Variants in ACSL3 observed in about 807,000 individuals in gnomAD.
ACSL3 encodes fatty acid CoA ligase Acsl3.
Under a neutral mutation model 84.7 loss-of-function variants are expected in ACSL3, and 34 were observed. The observed-to-expected ratio is 0.40, with a 90% CI of 0.31 to 0.53. ACSL3 has a LOEUF of 0.53. Ranked by LOEUF, ACSL3 falls within the 20% of genes least tolerant of loss-of-function variation. The probability of loss-of-function intolerance (pLI) is 0.48; values close to 1 mark genes in which losing one functional copy is unlikely to be tolerated. For missense variants in ACSL3, 680 were observed against 873.1 expected, an observed-to-expected ratio of 0.78 and a Z score of 2.79; for synonymous variants, 315 against 299.4, an observed-to-expected ratio of 1.05 and a Z score of -0.54.
chr2:222,889,186 T>C (rs795877), intron 2 of ACSL3, among the ~76,000 whole-genome samples: 138,221 of 152,192 alleles, frequency 0.91, 62,893 homozygotes, highest in East Asian at 0.97. Context: ...GCTAGGTTTG[T>C]GTAGGTGAAG....
chr2:222,924,373 C>T (rs1696820354), intron 10 of ACSL3, 83 bp from the exon 11 acceptor site: 1 of 1,243,454 alleles, frequency 8.0e-7, no homozygotes, highest in Admixed American at 3.3e-5. Context: ...CTTAATATTG[C>T]TAGAAATGTT....
Position 222,944,594 on chromosome 2 carries a change from G to A in ACSL3, c.*2940G>A, listed in dbSNP as rs1259833632. ...CTATTTATTTGTAATTTGACATAAAGTTTGAAGAATAAAGATCTATAAAAG... is the reference window on the plus strand; with the variant it reads ...CTATTTATTTGTAATTTGACATAAAATTTGAAGAATAAAGATCTATAAAAG... On this transcript the variant is annotated 3_prime_UTR_variant, in exon 17 of 17. Coordinates refer to ENST00000357430, the MANE Select transcript of ACSL3 (RefSeq NM_004457.5). The A allele has an allele frequency of 7.0e-6, 1 of 142,446 alleles. No homozygotes were observed. The highest frequency in any genetic ancestry group is 2.6e-5 in the African/African-American group (1 of 38,988). 8.8% of individuals were successfully genotyped at this position (142,446 alleles called of 1,614,324 possible).
intron 15 of ACSL3, 45 bp downstream of exon 15, chr2:222,933,325 G>A (rs978675061): frequency 2.1e-6 from 3 of 1,400,012 alleles, no homozygotes; most frequent in African/African-American, 1.4e-5. Flanking sequence ...AATATTTGAT[G>A]TCCATAGACA....
At chr2:222,905,774 T>C (rs1340943023) in intron 3 of ACSL3, among the ~76,000 whole-genome samples, 1 of 152,174 alleles carries the variant, frequency 6.6e-6, no homozygotes, top group African/African-American at 2.4e-5. Flanking sequence ...TCCTGACTTC[T>C]CATCAGCTGT....
intron 1 of ACSL3, among the ~76,000 whole-genome samples, chr2:222,868,512 G>A (rs62187227): frequency 0.09 from 13,645 of 152,018 alleles, 729 homozygotes; most frequent in Non-Finnish European, 0.12. Context: ...TTTTGAAGCA[G>A]CATTTTAACA....
intron 1 of ACSL3, among the ~76,000 whole-genome samples, chr2:222,872,843 G>C (rs979303227): frequency 6.6e-6 from 1 of 152,086 alleles, no homozygotes; most frequent in South Asian, 2.1e-4. Flanking sequence ...GAAGCAATGT[G>C]GGGTGGGGTG....
chr2:222,928,994 A>G (rs1696953641), intron 13 of ACSL3, 58 bp downstream of exon 13: 1 of 1,405,768 alleles, frequency 7.1e-7, no homozygotes, highest in Admixed American at 1.8e-5. Flanking sequence ...CTTGAAAATT[A>G]GTGCTTCACT....
chr2:222,872,840 T>G (rs945076649), intron 1 of ACSL3, among the ~76,000 whole-genome samples: 2 of 150,090 alleles, frequency 1.3e-5, no homozygotes, highest in Non-Finnish European at 3.0e-5. Context: ...CTTGAAGCAA[T>G]GTGGGGTGGG....
At chr2:222,865,767 G>T (rs1254867782) in intron 1 of ACSL3, among the ~76,000 whole-genome samples, 1 of 150,454 alleles carries the variant, frequency 6.6e-6, no homozygotes, top group Non-Finnish European at 1.5e-5. Flanking sequence ...CCAGGAAATA[G>T]AATGTTTTAC....
At chr2:222,928,263 T>G (rs1056593041) in intron 12 of ACSL3, among the ~76,000 whole-genome samples, 1 of 152,200 alleles carries the variant, frequency 6.6e-6, no homozygotes, top group Non-Finnish European at 1.5e-5. Context: ...AAATAGGGTG[T>G]GATAGCATAA....
At chr2:222,884,591 T>C (rs557736947) in intron 1 of ACSL3, among the ~76,000 whole-genome samples, 2 of 152,312 alleles carry the variant, frequency 1.3e-5, no homozygotes, top group Admixed American at 6.5e-5. Context: ...CTGCTCCATC[T>C]TCACGTCACC....
chr2:222,869,032 T>A (rs13010036), intron 1 of ACSL3, among the ~76,000 whole-genome samples: 41,580 of 151,956 alleles, frequency 0.27, 6,099 homozygotes, highest in Middle Eastern at 0.34. Flanking sequence ...TATAAAGCAC[T>A]TTGAAAGTGA....
intron 2 of ACSL3, among the ~76,000 whole-genome samples, chr2:222,900,085 G>T (rs1696098996): frequency 6.6e-6 from 1 of 152,158 alleles, no homozygotes; most frequent in African/African-American, 2.4e-5. Flanking sequence ...TCTATGACTA[G>T]TTCTAAAGAT....
intron 4 of ACSL3, among the ~76,000 whole-genome samples, chr2:222,914,042 A>C (rs1489237234): frequency 1.3e-5 from 2 of 152,132 alleles, no homozygotes; most frequent in Non-Finnish European, 2.9e-5. Context: ...TTTCATAGTG[A>C]TCTTCAGTTG....
Position 222,934,708 on chromosome 2 carries a change from A to G in ACSL3, c.2005+21A>G, listed in dbSNP as rs760617342. The G allele has an allele frequency of 1.9e-6, 3 of 1,600,328 alleles. No individual in the cohort carries two copies. The African/African-American group carries it at 4.0e-5, about 22-fold the overall frequency. ...TTCAGGTGAGTATTCGGTTAAACTG[A>G]TACTAAAAACTGAGATGGGAAGAGA... On this transcript the variant is annotated intron_variant, in intron 16 of 16. Transcript: ENST00000357430.
intron 1 of ACSL3, among the ~76,000 whole-genome samples, chr2:222,874,049 T>C (rs1695377943): frequency 6.6e-6 from 1 of 152,032 alleles, no homozygotes; most frequent in Admixed American, 6.6e-5. Context: ...TGAGACGGAG[T>C]CTCACTCTGT....
chr2:222,874,388 G>A (rs1182481966), intron 1 of ACSL3, among the ~76,000 whole-genome samples: 11 of 152,038 alleles, frequency 7.2e-5, no homozygotes, highest in Non-Finnish European at 1.6e-4. Context: ...ATAATATTTT[G>A]TATAATTAAA....
rs1047819678 is a variant in ACSL3 at position 222,917,916 on chromosome 2, A to G, written c.557-130A>G. The G allele has an allele frequency of 1.4e-5, 7 of 517,238 alleles. No homozygotes were observed. The African/African-American group carries it at 1.4e-4, about 10-fold the overall frequency. 32.0% of individuals were successfully genotyped at this position (517,238 alleles called of 1,614,324 possible). A position where few individuals can be genotyped will look rare whatever the true frequency, so the allele number is the denominator to read the frequency against. On this transcript the variant is annotated intron_variant, in intron 5 of 16. Coordinates refer to ENST00000357430, the MANE Select transcript of ACSL3 (RefSeq NM_004457.5). Reference sequence around the variant, plus strand: ...TGATAAGATAACTTTAAAAAACATAACACTTATAGACTGTGGATTTAACAG... The same window carrying G: ...TGATAAGATAACTTTAAAAAACATAGCACTTATAGACTGTGGATTTAACAG...
intron 1 of ACSL3, among the ~76,000 whole-genome samples, chr2:222,869,609 T>C (rs539919607): frequency 6.6e-5 from 10 of 152,350 alleles, no homozygotes; most frequent in Non-Finnish European, 1.3e-4. Flanking sequence ...AAATGTTAAA[T>C]GAGCAGTATA....
Sources: allele counts gnomAD v4.1 joint callset (sites outside exome capture counted in the v4.1 genomes callset), GRCh38; gene constraint gnomAD v4.1.1; transcripts MANE v1.5; gene names NCBI Gene and HGNC (gene_info 2026-07-23, HGNC 2026-07-21).